Variants in GFRA3 observed in about 807,000 individuals in gnomAD.
GFRA3 encodes GDNF family receptor alpha-3.
Under a neutral mutation model 40.0 loss-of-function variants are expected in GFRA3, and 24 were observed. The observed-to-expected ratio is 0.60, with a 90% CI of 0.43 to 0.84. GFRA3 has a LOEUF of 0.84. GFRA3 is among the 40% of genes least tolerant of loss of function. The pLI is 0.00. For missense variants in GFRA3, 405 were observed against 530.6 expected (o/e 0.76, Z 2.33); for synonymous variants, 203 against 213.5 (o/e 0.95, Z 0.43).
intron 3 of GFRA3, among the ~76,000 whole-genome samples, chr5:138,258,323 C>T (rs1212917762): frequency 1.3e-5 from 2 of 151,466 alleles, no homozygotes; most frequent in East Asian, 1.9e-4. Flanking sequence ...TGGGATTACA[C>T]GCATGCGCCA....
At chr5:138,266,859 T>C (rs544562688) in intron 1 of GFRA3, 1 of 152,172 alleles carries the variant, frequency 6.6e-6, no homozygotes, top group East Asian at 1.9e-4. Flanking sequence ...TTTTTGTACT[T>C]TTAGTAGAGA....
intron 4 of GFRA3, among the ~76,000 whole-genome samples, chr5:138,254,483 G>A (rs1755598669): frequency 2.0e-5 from 3 of 151,950 alleles, no homozygotes; most frequent in Non-Finnish European, 2.9e-5. Context: ...CACTGCACTC[G>A]GCCAGAAAAA....
At chr5:138,261,947 G>A (rs1013958677) in intron 2 of GFRA3, among the ~76,000 whole-genome samples, 6 of 152,080 alleles carry the variant, frequency 3.9e-5, no homozygotes, top group Non-Finnish European at 7.4e-5. Flanking sequence ...CTAAAGTAGT[G>A]GCTCTTCCAC....
In GFRA3 at chr5:138,257,820, T is replaced by G; in HGVS notation, c.604A>C (p.Thr202Pro). 7.4e-6 allele frequency: 12 copies of G among 1,613,686 alleles called. No individual in the cohort carries two copies. Among genetic ancestry groups the G allele is most frequent in the Non-Finnish European group, 1.0e-5 (12 of 1,179,884 alleles). ...QRHVCLRQLL[T>P]FFEKAAEPHA... ...GGCTCGGCGGCCTTCTCGAAGAAAG[T>G]GAGCAGCTGCCTGAGGCAGACGTGG... The change falls in exon 4 of 8, where the codon ACT becomes CCT. Residue 202 changes from threonine to proline, a missense_variant. Transcript: ENST00000274721.
chr5:138,265,790 G>A (rs1316993117), intron 1 of GFRA3, among the ~76,000 whole-genome samples: 1 of 152,142 alleles, frequency 6.6e-6, no homozygotes, highest in Non-Finnish European at 1.5e-5. Flanking sequence ...GACCTCCTGG[G>A]TTCAAGCTAT....
Position 138,252,959 on chromosome 5 carries a change from G to T in GFRA3, c.*9C>A. ...TGGTGGAGGGGAAGAGGGCCCTGGG[G>T]AAGTCCAGCTACCATAGGCTCAGGA... On this transcript the variant is annotated 3_prime_UTR_variant, in exon 8 of 8. Transcript: ENST00000274721. 3 of 1,517,940 alleles carry T rather than the reference G, an allele frequency of 2.0e-6. No individual in the cohort carries two copies. The highest frequency in any genetic ancestry group is 1.8e-6 in the Non-Finnish European group (2 of 1,093,164). 94.0% of individuals were successfully genotyped at this position (1,517,940 alleles called of 1,614,324 possible).
At chr5:138,267,531 T>C (rs1485015459) in intron 1 of GFRA3, 3 of 180,650 alleles carry the variant, frequency 1.7e-5, no homozygotes, top group Non-Finnish European at 1.2e-5. Context: ...TTCCTTTTCT[T>C]AGGGCCACCA....
intron 1 of GFRA3, among the ~76,000 whole-genome samples, chr5:138,273,830 G>T (rs528769004): frequency 7.9e-5 from 12 of 152,138 alleles, no homozygotes; most frequent in African/African-American, 2.9e-4. Flanking sequence ...TGTGCTAGAC[G>T]GCTTGCAAGG....
rs751791047 is a variant in GFRA3 at position 138,264,354 on chromosome 5, T to C, written c.286A>G (p.Ser96Gly). Residue 96 changes from serine to glycine, a missense_variant, in exon 2 of 8, where the codon AGC (serine) becomes GGC (glycine). Coordinates refer to ENST00000274721, the MANE Select transcript of GFRA3 (RefSeq NM_001496.4). ...CLEAAQQLRN[S>G]SLIGCMCHRR... The stretch of plus-strand genomic sequence containing the variant: ...TGGCACATGCAGCCTATCAGAGAGC[T>C]GTTCCTGAGTTGCTGTGCTGCCTCC... 1 of 1,613,984 alleles carries C rather than the reference T, an allele frequency of 6.2e-7. No homozygotes were observed. Among genetic ancestry groups the C allele is most frequent in the Admixed American group, 1.7e-5 (1 of 60,020 alleles).
chr5:138,262,581 T>A (rs901748967), intron 2 of GFRA3, among the ~76,000 whole-genome samples: 1 of 152,070 alleles, frequency 6.6e-6, no homozygotes, highest in Non-Finnish European at 1.5e-5. Context: ...GCCTCCCGAG[T>A]AGCTGGGACC....
At chr5:138,271,897 T>TGTGTGTG (rs1554111187) in intron 1 of GFRA3, among the ~76,000 whole-genome samples, 5 of 105,294 alleles carry the variant, frequency 4.7e-5, no homozygotes, top group Non-Finnish European at 8.0e-5. Context: ...TTTCTGTTTT[T>TGTGTGTG]TTTTTTTTTT....
intron 1 of GFRA3, among the ~76,000 whole-genome samples, chr5:138,265,666 TTCCTTCTCCTTCTCTTC>T (rs1294248664): frequency 6.6e-6 from 1 of 152,032 alleles, no homozygotes; most frequent in Admixed American, 6.6e-5. Context: ...CTCTTCTTTC[TTCCTTCTCCTTCTCTTC>T]TCCTTCTCCT....
chr5:138,274,099 G>A (rs1755914390), intron 1 of GFRA3, among the ~76,000 whole-genome samples: 1 of 152,172 alleles, frequency 6.6e-6, no homozygotes, highest in South Asian at 2.1e-4. Flanking sequence ...GCGAGGAGGA[G>A]ATGCTTGGGT....
At chr5:138,259,803 A>G (rs569848801) in intron 2 of GFRA3, among the ~76,000 whole-genome samples, 154 bp from the exon 3 acceptor site, 58 of 152,278 alleles carry the variant, frequency 3.8e-4, no homozygotes, top group African/African-American at 1.2e-3. Context: ...AGATGAGAAA[A>G]ATGCAGGGCC....
chr5:138,259,193 A>T (rs1434539691), intron 3 of GFRA3, among the ~76,000 whole-genome samples: 1 of 152,226 alleles, frequency 6.6e-6, no homozygotes, highest in African/African-American at 2.4e-5. Context: ...CCTAGTCTTC[A>T]GGGACAAAAA....
intron 2 of GFRA3, among the ~76,000 whole-genome samples, chr5:138,264,055 A>G (rs1342156469): frequency 1.3e-5 from 2 of 152,128 alleles, no homozygotes; most frequent in African/African-American, 2.4e-5. Flanking sequence ...CAGGTAAGAA[A>G]GGGGGAAGTA....
intron 1 of GFRA3, chr5:138,267,599 C>A: frequency 4.7e-6 from 1 of 212,934 alleles, no homozygotes; most frequent in South Asian, 8.5e-5. Context: ...AGACAAAGCA[C>A]ATCCGTCTTC....
chr5:138,262,618 AATTT>A (rs1755727860), intron 2 of GFRA3, among the ~76,000 whole-genome samples: 1 of 151,802 alleles, frequency 6.6e-6, no homozygotes, highest in African/African-American at 2.4e-5. Context: ...ACACTCAGCT[AATTT>A]ATTTATTTTT....
In GFRA3 at chr5:138,257,855, TG is replaced by T; in HGVS notation, c.568del (p.His190ThrfsTer89). Reference sequence around the variant, plus strand: ...CCTGAGGCAGACGTGGCGCTGGCAGTGGGGCCCGGAGCACGCCTCCCCGTAG... The same window carrying T: ...CCTGAGGCAGACGTGGCGCTGGCAGTGGGCCCGGAGCACGCCTCCCCGTAG... ...KAYGEACSGP[H>X]CQRHVCLRQL... On this transcript the variant is annotated frameshift_variant, in exon 4 of 8. Transcript: ENST00000274721. LOFTEE classifies it high-confidence loss of function. 1 of 1,613,826 alleles carries T rather than the reference TG, an allele frequency of 6.2e-7. No individual in the cohort carries two copies.
Sources: gnomAD v4.1 joint callset for allele counts (sites outside exome capture counted in the v4.1 genomes callset) on GRCh38, gnomAD v4.1.1 for gene constraint, MANE v1.5 for transcripts, NCBI Gene and HGNC (gene_info 2026-07-23, HGNC 2026-07-21) for gene names.